FAM135A: variants seen among roughly 807,000 people sequenced by gnomAD.
The protein encoded by FAM135A is family with sequence similarity 135 member A, also known as protein FAM135A.
FAM135A carries 79 observed loss-of-function variants against 146.8 expected under a neutral mutation model. The observed-to-expected ratio is 0.54, with a 90% confidence interval of 0.45 to 0.65. FAM135A has a LOEUF of 0.65. Among genes scored for constraint, FAM135A ranks in the 30% least tolerant of loss-of-function variants. The pLI is 0.00. For missense variants in FAM135A, 1,623 were observed against 1,758.2 expected, an observed-to-expected ratio of 0.92 and a Z score of 1.38; for synonymous variants, 562 against 603.6, an observed-to-expected ratio of 0.93 and a Z score of 1.01.
At chr6:70,488,562 C>G (rs1159249492) in intron 10 of FAM135A, among the ~76,000 whole-genome samples, 1 of 151,160 alleles carries the variant, frequency 6.6e-6, no homozygotes, top group Non-Finnish European at 1.5e-5. Context: ...AACACCAGAA[C>G]TGGGGCACTG....
In FAM135A at chr6:70,541,629, T is replaced by A. The variant is rs545841477; in HGVS notation, c.4228+3228T>A. On this transcript the variant is annotated intron_variant, in intron 20 of 21. Transcript: ENST00000418814. ...TCTTCTTGGACAGCATCATTCCATATCCATCTTTACCATTGGTAGCTCTCA... is the reference window on the plus strand; with the variant it reads ...TCTTCTTGGACAGCATCATTCCATAACCATCTTTACCATTGGTAGCTCTCA... 1.4e-3 allele frequency among the ~76,000 whole-genome samples: 208 copies of A among 152,308 alleles called. 4 individuals carry two copies. The highest frequency in any genetic ancestry group is 2.6e-4 in the Non-Finnish European group (18 of 68,018).
rs142354487 is a variant in FAM135A, at chr6:70,522,421, G to A, written c.1030-92G>A. The A allele has an allele frequency of 1.1e-3, 1,087 of 1,015,200 alleles. 7 individuals are homozygous for A. In the African/African-American group the frequency reaches 0.016, roughly 15 times the overall value. 62.9% of individuals were successfully genotyped at this position (1,015,200 alleles called of 1,614,324 possible). A position where few individuals can be genotyped will look rare whatever the true frequency, so the allele number is the denominator to read the frequency against. ...ATTCTGACGGGTGATTGTGGAAGGC[G>A]TAATGGAGGCAGTTTCTCTCCTTAC... On this transcript the variant is annotated intron_variant, in intron 12 of 21. Transcript: ENST00000418814.
intron 14 of FAM135A, 50 bp downstream of exon 14, chr6:70,524,171 A>G (rs748712272): frequency 1.3e-6 from 2 of 1,528,080 alleles, no homozygotes; most frequent in East Asian, 4.5e-5. Context: ...AGTTTTCAGT[A>G]TATTCTTCCT....
At chr6:70,547,313 T>C (rs564997681) in intron 20 of FAM135A, among the ~76,000 whole-genome samples, 1 of 152,302 alleles carries the variant, frequency 6.6e-6, no homozygotes, top group South Asian at 2.1e-4. Context: ...GCTAACATTA[T>C]TTTAGGAAGA....
At chr6:70,559,128 G>A (rs1197387062) in intron 21 of FAM135A, among the ~76,000 whole-genome samples, 1 of 152,110 alleles carries the variant, frequency 6.6e-6, no homozygotes, top group Non-Finnish European at 1.5e-5. Flanking sequence ...TTTGTTATAG[G>A]CATTGCTTTG....
At chr6:70,445,080 G>A (rs1302431570) in intron 4 of FAM135A, among the ~76,000 whole-genome samples, 1 of 152,280 alleles carries the variant, frequency 6.6e-6, no homozygotes, top group Admixed American at 6.5e-5. Flanking sequence ...AATGTTAGGT[G>A]AGATACTATC....
intron 13 of FAM135A, among the ~76,000 whole-genome samples, chr6:70,523,067 G>A (rs1793958141): frequency 6.6e-6 from 1 of 152,116 alleles, no homozygotes; most frequent in Admixed American, 6.5e-5. Context: ...GGAATATTTT[G>A]AGGACATTAT....
chr6:70,455,328 T>G (rs1337283623), intron 5 of FAM135A, among the ~76,000 whole-genome samples: 3 of 152,054 alleles, frequency 2.0e-5, no homozygotes, highest in African/African-American at 7.2e-5. Flanking sequence ...GTGTAGAGTT[T>G]ATCTTCCTGA....
At chr6:70,435,106 TA>T (rs60915643) in intron 4 of FAM135A, among the ~76,000 whole-genome samples, 104 of 68,654 alleles carry the variant, frequency 1.5e-3, no homozygotes, top group Admixed American at 4.3e-3. Context: ...TATATATATA[TA>T]TATTTTTTTT....
In FAM135A at chr6:70,559,774, C is replaced by G; in HGVS notation, c.4401C>G (p.Asp1467Glu). ...NLLRPVLQSK[D>E]CNLVRYNVIN... is the part of the protein sequence containing the mutation. The stretch of plus-strand genomic sequence containing the variant: ...TTCGACCCGTTCTGCAAAGCAAGGA[C>G]TGTAATTTGGTTCGCTATAATGTCA... Residue 1467 changes from aspartate to glutamate, a missense_variant, in exon 22 of 22, where the codon GAC (aspartate) becomes GAG (glutamate). This residue lies in a region of FAM135A where 138 missense variants were observed against 174.1 expected (regional missense o/e 0.79). Transcript: ENST00000418814. 1.9e-6 allele frequency: 3 copies of G among 1,614,120 alleles called. No individual in the cohort carries two copies. The highest frequency in any genetic ancestry group is 2.2e-5 in the East Asian group (1 of 44,858).
chr6:70,559,690 T>G (rs767290362), intron 21 of FAM135A, 26 bp from the exon 22 acceptor site: 2 of 1,561,452 alleles, frequency 1.3e-6, no homozygotes, highest in Non-Finnish European at 1.7e-6. Context: ...GTGAACTAAT[T>G]TTCCTTTTTT....
intron 5 of FAM135A, among the ~76,000 whole-genome samples, chr6:70,469,258 G>A (rs1269626407): frequency 1.3e-5 from 2 of 152,068 alleles, no homozygotes; most frequent in Non-Finnish European, 2.9e-5. Context: ...TTTGTTGATC[G>A]GATGAGTGAA....
At chr6:70,505,698 C>A (rs1243272342) in intron 12 of FAM135A, among the ~76,000 whole-genome samples, 13 of 151,872 alleles carry the variant, frequency 8.6e-5, no homozygotes, top group Admixed American at 8.5e-4. Context: ...ATTCTAGTTT[C>A]TAGTTGTTTG....
chr6:70,529,241 T>C (rs1795313816), intron 16 of FAM135A, among the ~76,000 whole-genome samples: 1 of 151,954 alleles, frequency 6.6e-6, no homozygotes, highest in African/African-American at 2.4e-5. Flanking sequence ...GTGCTGGGGT[T>C]TTATGACAGC....
chr6:70,487,083 C>CAAAAAAAAAAAAAAA (rs34560435), intron 10 of FAM135A, among the ~76,000 whole-genome samples: 1 of 40,612 alleles, frequency 2.5e-5, no homozygotes, highest in Non-Finnish European at 4.7e-5. Flanking sequence ...ACTCCCATCT[C>CAAAAAAAAAAAAAAA]AAAAAAAAAA....
chr6:70,480,172 G>A (rs916900962), intron 8 of FAM135A, among the ~76,000 whole-genome samples: 2 of 152,080 alleles, frequency 1.3e-5, no homozygotes, highest in Admixed American at 6.6e-5. Context: ...TTCCTCTATG[G>A]AATATAAATG....
chr6:70,488,848 A>G (rs1038518770), intron 10 of FAM135A, among the ~76,000 whole-genome samples: 8 of 152,146 alleles, frequency 5.3e-5, no homozygotes, highest in Admixed American at 6.5e-5. Context: ...GATCAAACCT[A>G]TGTTGCTCAA....
At chr6:70,450,206 A>G (rs1776723247) in intron 4 of FAM135A, among the ~76,000 whole-genome samples, 1 of 151,686 alleles carries the variant, frequency 6.6e-6, no homozygotes, top group Non-Finnish European at 1.5e-5. Flanking sequence ...TTTTTTTTCC[A>G]AATCTGTGGG....
intron 12 of FAM135A, 70 bp from the exon 13 acceptor site, chr6:70,522,443 T>A (rs769217613): frequency 1.3e-5 from 18 of 1,384,106 alleles, no homozygotes; most frequent in Non-Finnish European, 1.7e-5. Flanking sequence ...GTTTCTCTCC[T>A]TACCATAAGA....
Sources: allele counts gnomAD v4.1 joint callset (sites outside exome capture counted in the v4.1 genomes callset), GRCh38; gene constraint gnomAD v4.1.1; regional missense constraint gnomAD v4.1.1; transcripts MANE v1.5; gene names NCBI Gene and HGNC (gene_info 2026-07-23, HGNC 2026-07-21).